LRRC3B: variants seen among roughly 807,000 people sequenced by gnomAD.
The protein encoded by LRRC3B is leucine-rich repeat-containing protein 3B.
LRRC3B carries 2 observed loss-of-function variants against 12.8 expected under a neutral mutation model. The ratio of observed to expected loss-of-function variants is 0.16; its 90% CI spans 0.06 to 0.49. LRRC3B has a LOEUF of 0.49. Ranked by LOEUF, LRRC3B falls within the 20% of genes least tolerant of loss-of-function variation. LRRC3B has a pLI of 0.96. For synonymous variants in LRRC3B, 132 were observed against 122.0 expected, an observed-to-expected ratio of 1.08 and a Z score of -0.54; for missense variants, 189 against 319.4, an observed-to-expected ratio of 0.59 and a Z score of 3.11.
chr3:26,651,446 G>A (rs1234381488), intron 1 of LRRC3B, among the ~76,000 whole-genome samples: 2 of 152,142 alleles, frequency 1.3e-5, no homozygotes, highest in Non-Finnish European at 2.9e-5. Flanking sequence ...GTGTACCTGT[G>A]TGTATCTGTG....
intron 1 of LRRC3B, among the ~76,000 whole-genome samples, chr3:26,684,296 T>C (rs1700029226): frequency 6.6e-6 from 1 of 152,236 alleles, no homozygotes; most frequent in Non-Finnish European, 1.5e-5. Flanking sequence ...CCTCAATCTA[T>C]ATGGCTTTTA....
At chr3:26,692,630 T>C (rs1421589411) in intron 1 of LRRC3B, among the ~76,000 whole-genome samples, 1 of 152,230 alleles carries the variant, frequency 6.6e-6, no homozygotes, top group Non-Finnish European at 1.5e-5. Flanking sequence ...TTAAAAAGCA[T>C]ACTGTTCTGT....
intron 1 of LRRC3B, among the ~76,000 whole-genome samples, chr3:26,655,995 C>A (rs1370344513): frequency 6.6e-6 from 1 of 152,158 alleles, no homozygotes; most frequent in African/African-American, 2.4e-5. Flanking sequence ...GACTAAGGTT[C>A]ATTTGACTGC....
chr3:26,694,357 C>T (rs1700257223), intron 1 of LRRC3B, among the ~76,000 whole-genome samples: 1 of 152,112 alleles, frequency 6.6e-6, no homozygotes, highest in African/African-American at 2.4e-5. Flanking sequence ...CTGTCAGAAC[C>T]TTTAACAGGC....
At chr3:26,693,328 C>CAAAAAAA (rs71950080) in intron 1 of LRRC3B, among the ~76,000 whole-genome samples, 3 of 96,164 alleles carry the variant, frequency 3.1e-5, no homozygotes, top group African/African-American at 5.9e-5. Context: ...AACTCCGTCT[C>CAAAAAAA]AAAAAAAAAA....
At chr3:26,658,957 G>C (rs1433782661) in intron 1 of LRRC3B, among the ~76,000 whole-genome samples, 3 of 152,186 alleles carry the variant, frequency 2.0e-5, no homozygotes, top group Admixed American at 6.5e-5. Context: ...TAAGGATCTG[G>C]GGTGGTATCA....
chr3:26,696,313 C>T (rs1185461186), intron 1 of LRRC3B, among the ~76,000 whole-genome samples: 1 of 152,114 alleles, frequency 6.6e-6, no homozygotes, highest in African/African-American at 2.4e-5. Flanking sequence ...ATGAATTATG[C>T]ATTTTTTTAT....
At chr3:26,666,254 AC>A (rs2125426948) in intron 1 of LRRC3B, among the ~76,000 whole-genome samples, 1 of 152,296 alleles carries the variant, frequency 6.6e-6, no homozygotes, top group Non-Finnish European at 1.5e-5. Context: ...AAAGGTGAAG[AC>A]AAATAGATTA....
chr3:26,698,540 A>G (rs553249023), intron 1 of LRRC3B, among the ~76,000 whole-genome samples: 1 of 152,248 alleles, frequency 6.6e-6, no homozygotes, highest in East Asian at 1.9e-4. Flanking sequence ...CCAAAAAAGG[A>G]CTTATCTTCC....
intron 1 of LRRC3B, among the ~76,000 whole-genome samples, chr3:26,646,815 T>C (rs1156518806): frequency 1.3e-5 from 2 of 152,032 alleles, no homozygotes; most frequent in Non-Finnish European, 2.9e-5. Flanking sequence ...GGTGAGGCAG[T>C]GTGGTATAGT....
At chr3:26,642,085 C>T (rs564514577) in intron 1 of LRRC3B, among the ~76,000 whole-genome samples, 4 of 152,302 alleles carry the variant, frequency 2.6e-5, no homozygotes, top group South Asian at 2.1e-4. Context: ...TAGTTCTGCA[C>T]GTCTCCTTCA....
At chr3:26,635,590 A>G (rs1275528181) in intron 1 of LRRC3B, among the ~76,000 whole-genome samples, 6 of 152,254 alleles carry the variant, frequency 3.9e-5, no homozygotes, top group African/African-American at 1.4e-4. Flanking sequence ...TACACCAGGC[A>G]TCAACCCTGC....
Position 26,662,625 on chromosome 3 carries a change from T to G in LRRC3B, c.-161+39388T>G, listed in dbSNP as rs575380001. ...ATGTGGGATGTGTGTATGAGTGAGT[T>G]TTAACATTACCCTTGTTTTATTCAA... On this transcript the variant is annotated intron_variant, in intron 1 of 1. Transcript: ENST00000396641. Among the ~76,000 whole-genome samples, 4 of 152,206 alleles carry G rather than the reference T, an allele frequency of 2.6e-5. No homozygotes were observed. The East Asian group carries it at 7.7e-4, about 29-fold the overall frequency.
chr3:26,686,850 G>C (rs1378456951), intron 1 of LRRC3B, among the ~76,000 whole-genome samples: 1 of 152,166 alleles, frequency 6.6e-6, no homozygotes, highest in Admixed American at 6.5e-5. Context: ...GCCAGCTCTG[G>C]ATCTAGACTG....
intron 1 of LRRC3B, among the ~76,000 whole-genome samples, chr3:26,638,337 AC>A (rs1414641373): frequency 2.0e-5 from 3 of 152,224 alleles, no homozygotes; most frequent in Non-Finnish European, 4.4e-5. Context: ...TGTCATAGGT[AC>A]TATAAAGGTA....
chr3:26,698,531 C>CA (rs1700375837), intron 1 of LRRC3B, among the ~76,000 whole-genome samples: 1 of 151,790 alleles, frequency 6.6e-6, no homozygotes, highest in Non-Finnish European at 1.5e-5. Context: ...TTTGCATCAC[C>CA]AAAAAAGGAC....
intron 1 of LRRC3B, among the ~76,000 whole-genome samples, chr3:26,646,598 T>TAAAAAAAAAA (rs529066996): frequency 4.0e-5 from 4 of 99,662 alleles, no homozygotes; most frequent in East Asian, 7.6e-4. Flanking sequence ...GGATAGGAGG[T>TAAAAAAAAAA]AAAAAAAAAA....
At chr3:26,660,097 T>C (rs1243510209) in intron 1 of LRRC3B, among the ~76,000 whole-genome samples, 1 of 152,188 alleles carries the variant, frequency 6.6e-6, no homozygotes, top group Non-Finnish European at 1.5e-5. Context: ...TAGGGCTCCC[T>C]TCATAATTAT....
intron 1 of LRRC3B, among the ~76,000 whole-genome samples, chr3:26,703,956 TA>T (rs1700521367): frequency 3.3e-5 from 5 of 151,970 alleles, no homozygotes; most frequent in Admixed American, 3.3e-4. Context: ...ATATTTATTG[TA>T]AAATAAAATA....
Sources: gnomAD v4.1 joint callset for allele counts (sites outside exome capture counted in the v4.1 genomes callset) on GRCh38, gnomAD v4.1.1 for gene constraint, MANE v1.5 for transcripts, NCBI Gene and HGNC (gene_info 2026-07-23, HGNC 2026-07-21) for gene names.